The following SLC25A32 variants were observed in gnomAD, a reference collection of about 807,000 sequenced individuals.
SLC25A32 encodes the protein solute carrier family 25 member 32.
In SLC25A32, 32 loss-of-function variants were observed where a neutral mutation model predicts 39.0. The ratio of observed to expected loss-of-function variants is 0.82; its 90% confidence interval spans 0.62 to 1.10. SLC25A32 has a LOEUF of 1.10. Ranked by LOEUF, SLC25A32 falls within the 50% of genes least tolerant of loss-of-function variation. The probability of loss-of-function intolerance (pLI) is 0.00; values close to 1 mark genes in which losing one functional copy is unlikely to be tolerated. For synonymous variants in SLC25A32, 166 were observed against 152.4 expected, an observed-to-expected ratio of 1.09 and a Z score of -0.66; for missense variants, 367 against 395.3, an observed-to-expected ratio of 0.93 and a Z score of 0.61.
chr8:103,400,365 C>T lies in SLC25A32; in HGVS notation c.*46G>A. 7 of 1,607,222 alleles carry T rather than the reference C, an allele frequency of 4.4e-6. No individual in the cohort carries two copies. Among genetic ancestry groups the T allele is most frequent in the South Asian group, 1.1e-5 (1 of 90,128 alleles). ...CTTTTATGCCTTAAACACAAAAGAG[C>T]TTGTTGCTGCCTTGGGCAGATATAC... On this transcript the variant is annotated 3_prime_UTR_variant, in exon 7 of 7. Coordinates refer to ENST00000297578, the MANE Select transcript of SLC25A32 (RefSeq NM_030780.5).
chr8:103,407,703 C>T lies in SLC25A32; in HGVS notation c.236G>A (p.Arg79Gln), dbSNP rs374819911. The T allele has an allele frequency of 1.1e-5, 17 of 1,612,304 alleles. No homozygotes were observed. The highest frequency in any genetic ancestry group is 4.4e-5 in the South Asian group (4 of 90,936). Residue 79 changes from arginine to glutamine, a missense_variant, in exon 2 of 7, where the codon CGG (arginine) becomes CAG (glutamine). By Grantham distance (43) the Arg-to-Gln change is conservative (BLOSUM62 1). Coordinates refer to ENST00000297578, the MANE Select transcript of SLC25A32 (RefSeq NM_030780.5). ...LTTIWKLDGL[R>Q]GLYQGVTPNI... ...TGGGGTTACTCCTTGATAAAGTCCC[C>T]GTAGTCCATCAAGTTTCCAAATGGT...
intron 4 of SLC25A32, chr8:103,402,748 T>C (rs1816244713): frequency 6.6e-6 from 1 of 152,276 alleles, no homozygotes. Flanking sequence ...TCGTTATTTT[T>C]AAATTTATGT....
Position 103,400,445 on chromosome 8 carries a change from T to C in SLC25A32, c.914A>G (p.His305Arg), listed in dbSNP as rs764193103. ...CTTTTCTCTAAGGTCAAGTAAAAAA[T>C]GTGAGACGTTTTCATATACCACAAA... ...ITFVVYENVSHFLLDLREKRK is the reference protein window; with the variant it reads ...ITFVVYENVSRFLLDLREKRK Residue 305 changes from histidine (H) to arginine (R), a missense_variant, in exon 7 of 7, where the codon CAT (histidine) becomes CGT (arginine). Transcript: ENST00000297578. 12 of 1,614,012 alleles carry C rather than the reference T, an allele frequency of 7.4e-6. No homozygotes were observed. Among genetic ancestry groups the C allele is most frequent in the South Asian group, 1.1e-5 (1 of 91,092 alleles).
Position 103,407,960 on chromosome 8 carries a change from T to C in SLC25A32, c.155-176A>G, listed in dbSNP as rs142673337. ...TATATATATTACATATATATATAAA[T>C]ATATATATATATAAATATGTAAAAT... On this transcript the variant is annotated intron_variant, in intron 1 of 6. Transcript: ENST00000297578. Among the ~76,000 whole-genome samples the C allele has an allele frequency of 9.6e-4, 141 of 146,150 alleles. 2 individuals are homozygous for C. The highest frequency in any genetic ancestry group is 3.2e-3 in the African/African-American group (131 of 40,532).
Position 103,398,777 on chromosome 8 carries a change from T to G in SLC25A32, c.*1634A>C, listed in dbSNP as rs1307226636. ...TGGGGACTAATATCAAGATTTCATA[T>G]GAATTATAGTATAATCCAGAAGTAT... On this transcript the variant is annotated 3_prime_UTR_variant, in exon 7 of 7. Transcript: ENST00000297578. 6.6e-6 allele frequency: 1 copy of G among 152,230 alleles called. No individual in the cohort carries two copies. The highest frequency in any genetic ancestry group is 1.5e-5 in the Non-Finnish European group (1 of 68,038). The allele number at this position is 152,230 out of a possible 1,614,324, so 9.4% of individuals were successfully genotyped here. A position where few individuals can be genotyped will look rare whatever the true frequency, so the allele number is the denominator to read the frequency against.
intron 1 of SLC25A32, among the ~76,000 whole-genome samples, chr8:103,413,938 T>C (rs1370179486): frequency 6.6e-6 from 1 of 152,242 alleles, no homozygotes; most frequent in Non-Finnish European, 1.5e-5. Flanking sequence ...TATGACTAAG[T>C]CTAACGCCTA....
rs1032698210 is a variant in SLC25A32 at position 103,415,002 on chromosome 8, G to A, written c.-65C>T. The A allele has an allele frequency of 1.8e-5, 28 of 1,583,956 alleles. No individual in the cohort carries two copies. Among genetic ancestry groups the A allele is most frequent in the Non-Finnish European group, 2.3e-5 (27 of 1,164,882 alleles). ...GGAGGTGGGACGCGATGCAGTGGCC[G>A]CCACCGTGGCGACGGTCGCCCCTTG... On this transcript the variant is annotated 5_prime_UTR_variant, in exon 1 of 7. Transcript: ENST00000297578.
chr8:103,402,533 A>G (rs1816240255), intron 4 of SLC25A32: 1 of 152,234 alleles, frequency 6.6e-6, no homozygotes, highest in Non-Finnish European at 1.5e-5. Flanking sequence ...TCAATTCTTG[A>G]AAAACAAACT....
At position 103,414,992 on chromosome 8, in the gene SLC25A32, T is replaced by C. The variant is rs377166611; in HGVS notation, c.-55A>G. The C allele has an allele frequency of 9.5e-6, 15 of 1,582,814 alleles. No individual in the cohort carries two copies. The highest frequency in any genetic ancestry group is 1.3e-5 in the Non-Finnish European group (15 of 1,164,260). ...CCAGGGCCGCGGAGGTGGGACGCGA[T>C]GCAGTGGCCGCCACCGTGGCGACGG... On this transcript the variant is annotated 5_prime_UTR_variant, in exon 1 of 7. Transcript: ENST00000297578.
rs62527061 is a variant in SLC25A32, at chr8:103,399,192, C to T, written c.*1219G>A. 1.1e-4 allele frequency: 17 copies of T among 152,184 alleles called. No individual in the cohort carries two copies. Among genetic ancestry groups the T allele is most frequent in the Non-Finnish European group, 2.4e-4 (16 of 68,022 alleles). The allele number at this position is 152,184 out of a possible 1,614,324, so 9.4% of individuals were successfully genotyped here. Reference sequence around the variant, plus strand: ...TGAAGATTAATCATTTATTTGGGATCTAGATCCATATATCTGAAAACTGAA... The same window carrying T: ...TGAAGATTAATCATTTATTTGGGATTTAGATCCATATATCTGAAAACTGAA... On this transcript the variant is annotated 3_prime_UTR_variant, in exon 7 of 7. Coordinates refer to ENST00000297578, the MANE Select transcript of SLC25A32 (RefSeq NM_030780.5).
chr8:103,414,961 C>T lies in SLC25A32; in HGVS notation c.-24G>A. 6.3e-7 allele frequency: 1 copy of T among 1,590,128 alleles called. No individual in the cohort carries two copies. Among genetic ancestry groups the T allele is most frequent in the Non-Finnish European group, 8.6e-7 (1 of 1,168,472 alleles). On this transcript the variant is annotated 5_prime_UTR_variant, in exon 1 of 7. The change creates a new upstream start codon in the 5' untranslated region. Coordinates refer to ENST00000297578, the MANE Select transcript of SLC25A32 (RefSeq NM_030780.5). ...ATAGGCTCGGGGCCCGTCGACACCA[C>T]GGCGCCCAGGGCCGCGGAGGTGGGA...
intron 1 of SLC25A32, among the ~76,000 whole-genome samples, chr8:103,410,200 C>T (rs1394590881): frequency 1.3e-5 from 2 of 152,128 alleles, no homozygotes; most frequent in African/African-American, 4.8e-5. Context: ...CTATAATCTC[C>T]CTAACATAAA....
chr8:103,406,590 A>G (rs1322971614), intron 2 of SLC25A32, among the ~76,000 whole-genome samples: 1 of 152,226 alleles, frequency 6.6e-6, no homozygotes, highest in Admixed American at 6.5e-5. Flanking sequence ...AATGGTGATG[A>G]TATCTGACTG....
Position 103,407,770 on chromosome 8 carries a change from C to A in SLC25A32, c.169G>T (p.Glu57Ter), listed in dbSNP as rs1363685605. 1 of 1,612,868 alleles carries A rather than the reference C, an allele frequency of 6.2e-7. No homozygotes were observed. The highest frequency in any genetic ancestry group is 8.5e-7 in the Non-Finnish European group (1 of 1,179,482). Residue 57 changes from glutamate (E) to a stop codon, truncating the protein, a stop_gained, in exon 2 of 7, where the codon GAA (glutamate) becomes TAA (stop). Coordinates refer to ENST00000297578, the MANE Select transcript of SLC25A32 (RefSeq NM_030780.5). LOFTEE classifies it high-confidence loss of function. ...ATTCCATTATATTTCGGTCTCAGTT[C>A]CAATCCATCACTCACTGCATCAAGG... is the stretch of plus-strand genomic sequence containing the variant. Reference protein sequence around the residue: ...KIRFAVSDGLELRPKYNGILH... With the variant: ...KIRFAVSDGL
At chr8:103,403,106 C>A (rs1448234256) in intron 4 of SLC25A32, 58 bp downstream of exon 4, 1 of 1,290,532 alleles carries the variant, frequency 7.7e-7, no homozygotes, top group Non-Finnish European at 1.1e-6. Flanking sequence ...ACTAAGACAA[C>A]AGAGCCAACG....
intron 2 of SLC25A32, among the ~76,000 whole-genome samples, chr8:103,405,160 C>G (rs548061614): frequency 6.6e-6 from 1 of 152,212 alleles, no homozygotes; most frequent in Non-Finnish European, 1.5e-5. Flanking sequence ...TAGTGGTACA[C>G]AGACTGGCCA....
intron 6 of SLC25A32, among the ~76,000 whole-genome samples, chr8:103,401,061 T>C (rs1297969599): frequency 1.3e-5 from 2 of 152,214 alleles, no homozygotes; most frequent in Non-Finnish European, 1.5e-5. Flanking sequence ...TAAAGGGAAA[T>C]ATGGTGATGT....
chr8:103,414,771 G>A lies in SLC25A32; in HGVS notation c.154+13C>T, dbSNP rs769677268. ...GTGAGAGGATGCAGCCCGGTGTCTG[G>A]GCGGGCTCTTACCGGCGAAGCGGAT... On this transcript the variant is annotated intron_variant, in intron 1 of 6. Transcript: ENST00000297578. 3 of 1,613,434 alleles carry A rather than the reference G, an allele frequency of 1.9e-6. No individual in the cohort carries two copies. Among genetic ancestry groups the A allele is most frequent in the South Asian group, 2.2e-5 (2 of 91,082 alleles).
In SLC25A32 at chr8:103,402,055, C is replaced by T. The variant is rs1454832150; in HGVS notation, c.553-1G>A. 2 of 1,589,666 alleles carry T rather than the reference C, an allele frequency of 1.3e-6. No individual in the cohort carries two copies. The highest frequency in any genetic ancestry group is 1.4e-5 in the African/African-American group (1 of 73,876). ...TTCCAAACAGCCCAGGAACAAATCC[C>T]TACAAGGGAATGATTTTTAAAAAGC... On this transcript the variant is annotated splice_acceptor_variant, in intron 4 of 6. Transcript: ENST00000297578. LOFTEE classifies it high-confidence loss of function.
Sources: allele counts gnomAD v4.1 joint callset (sites outside exome capture counted in the v4.1 genomes callset), GRCh38; gene constraint gnomAD v4.1.1; transcripts MANE v1.5; gene names NCBI Gene and HGNC (gene_info 2026-07-23, HGNC 2026-07-21).